The following PLEKHA2 variants were observed in gnomAD, a reference collection of about 807,000 sequenced individuals.
PLEKHA2 encodes the protein pleckstrin homology domain-containing family A member 2.
A neutral mutation model predicts 53.2 loss-of-function variants in PLEKHA2; 28 were observed. The observed-to-expected ratio is 0.53, with a 90% confidence interval of 0.39 to 0.72. The LOEUF (loss-of-function observed/expected upper bound fraction) is 0.72, where lower values mean the gene tolerates loss of function less well. PLEKHA2 is among the 30% of genes least tolerant of loss of function. PLEKHA2 has a pLI of 0.00. For missense variants in PLEKHA2, 426 were observed against 537.9 expected (o/e 0.79, Z 2.06); for synonymous variants, 193 against 196.4 (o/e 0.98, Z 0.14).
At chr8:38,949,425 G>A (rs1834784061) in intron 5 of PLEKHA2, among the ~76,000 whole-genome samples, 1 of 152,122 alleles carries the variant, frequency 6.6e-6, no homozygotes, top group African/African-American at 2.4e-5. Flanking sequence ...ATCTAAAAGG[G>A]AACTGCTGCA....
chr8:38,946,303 T>C, intron 5 of PLEKHA2, 82 bp downstream of exon 5: 1 of 1,238,484 alleles, frequency 8.1e-7, no homozygotes, highest in Non-Finnish European at 1.2e-6. Context: ...TGGGGAAAAC[T>C]GAGATGGCAG....
chr8:38,903,171 G>A (rs1833819144), intron 1 of PLEKHA2, among the ~76,000 whole-genome samples: 1 of 152,204 alleles, frequency 6.6e-6, no homozygotes, highest in Admixed American at 6.5e-5. Context: ...CTGGTACATG[G>A]GAGTTATTAG....
intron 5 of PLEKHA2, among the ~76,000 whole-genome samples, chr8:38,950,363 G>A (rs1474341817): frequency 2.6e-5 from 4 of 152,260 alleles, no homozygotes; most frequent in South Asian, 2.1e-4. Context: ...CCAGGTTGCC[G>A]TTTGAGTGTC....
intron 1 of PLEKHA2, among the ~76,000 whole-genome samples, chr8:38,909,184 C>T (rs1248460170): frequency 6.6e-6 from 1 of 151,640 alleles, no homozygotes; most frequent in Admixed American, 6.6e-5. Context: ...TTGTGTTGTT[C>T]AGGACATTAC....
intron 2 of PLEKHA2, among the ~76,000 whole-genome samples, chr8:38,918,567 ACACACATGCACACACATGCACACACATC>A (rs1483480562): frequency 9.3e-5 from 14 of 150,366 alleles, no homozygotes; most frequent in South Asian, 2.1e-4. Context: ...CACATTATAC[ACACACATGCACACACATGCACACACATC>A]CCATACACAC....
intron 2 of PLEKHA2, among the ~76,000 whole-genome samples, chr8:38,930,141 G>A (rs1176961072): frequency 1.3e-5 from 2 of 151,964 alleles, no homozygotes; most frequent in African/African-American, 2.4e-5. Flanking sequence ...AAGAGCTCTT[G>A]AGCAAAAAGG....
At chr8:38,966,117 G>C (rs997717533) in intron 10 of PLEKHA2, among the ~76,000 whole-genome samples, 1 of 152,092 alleles carries the variant, frequency 6.6e-6, no homozygotes, top group African/African-American at 2.4e-5. Flanking sequence ...TGTTCACTTT[G>C]GCCACTTGTC....
intron 2 of PLEKHA2, among the ~76,000 whole-genome samples, chr8:38,931,810 G>A (rs1318027639): frequency 2.0e-5 from 3 of 152,098 alleles, no homozygotes; most frequent in Admixed American, 6.5e-5. Flanking sequence ...AACATACTCC[G>A]AGAACAGAGT....
chr8:38,966,605 C>T (rs753955708), intron 10 of PLEKHA2, among the ~76,000 whole-genome samples: 1 of 152,158 alleles, frequency 6.6e-6, no homozygotes, highest in Non-Finnish European at 1.5e-5. Context: ...CCGGCAGTAG[C>T]GAGGCCGCTG....
At chr8:38,915,658 G>GGACATAATTCAC (rs916717479) in intron 1 of PLEKHA2, among the ~76,000 whole-genome samples, 1 of 152,174 alleles carries the variant, frequency 6.6e-6, no homozygotes, top group African/African-American at 2.4e-5. Flanking sequence ...AATTTTGAGA[G>GGACATAATTCAC]GACATAATTC....
At chr8:38,952,520 T>C in intron 7 of PLEKHA2, 116 bp from the exon 8 acceptor site, 1 of 1,352,408 alleles carries the variant, frequency 7.4e-7, no homozygotes, top group South Asian at 1.3e-5. Context: ...TTGCCCCTGC[T>C]GAATGTGGGA....
chr8:38,936,017 T>C lies in PLEKHA2; in HGVS notation c.165T>C (p.Ala55=), dbSNP rs750225219. 2 of 1,613,632 alleles carry C rather than the reference T, an allele frequency of 1.2e-6. No homozygotes were observed. Among genetic ancestry groups the C allele is most frequent in the East Asian group, 4.5e-5 (2 of 44,884 alleles). The change falls in exon 3 of 12, where the codon GCT becomes GCC. Residue 55 remains alanine, a synonymous_variant. Coordinates refer to ENST00000617275, the MANE Select transcript of PLEKHA2 (RefSeq NM_021623.2). The part of the protein sequence containing the change: ...NPQNLAMGAG[A]VGALQLTYIS... ...AGAATCTGGCAATGGGGGCAGGAGCTGTTGGAGCTTTGCAGCTGACCTACA... is the reference window on the plus strand; with the variant it reads ...AGAATCTGGCAATGGGGGCAGGAGCCGTTGGAGCTTTGCAGCTGACCTACA...
chr8:38,954,308 C>T (rs1263694976), intron 9 of PLEKHA2, among the ~76,000 whole-genome samples: 1 of 152,174 alleles, frequency 6.6e-6, no homozygotes, highest in Non-Finnish European at 1.5e-5. Context: ...GGGAGGTTCC[C>T]AGTGACTATT....
chr8:38,936,343 G>T (rs552110464), intron 3 of PLEKHA2, among the ~76,000 whole-genome samples: 69 of 152,194 alleles, frequency 4.5e-4, no homozygotes, highest in Non-Finnish European at 8.4e-4. Context: ...GTGGAGCTGG[G>T]GTAGGGGTAG....
intron 2 of PLEKHA2, among the ~76,000 whole-genome samples, chr8:38,920,711 C>T (rs1365359083): frequency 1.3e-5 from 2 of 152,026 alleles, no homozygotes; most frequent in Admixed American, 1.3e-4. Context: ...CAGGTGTGCG[C>T]CACCACACTG....
At chr8:38,919,472 A>G (rs1427228019) in intron 2 of PLEKHA2, among the ~76,000 whole-genome samples, 1 of 152,226 alleles carries the variant, frequency 6.6e-6, no homozygotes, top group Non-Finnish European at 1.5e-5. Context: ...CAGCAAGGTC[A>G]CAGGTCATGG....
intron 4 of PLEKHA2, among the ~76,000 whole-genome samples, chr8:38,944,897 T>A (rs1005387463): frequency 6.6e-6 from 1 of 152,206 alleles, no homozygotes; most frequent in African/African-American, 2.4e-5. Flanking sequence ...ATGTCCACTA[T>A]AAGTTTCTGT....
rs756800890 is a variant in PLEKHA2 at position 38,917,913 on chromosome 8, G to T, written c.-17G>T. On this transcript the variant is annotated 5_prime_UTR_variant, in exon 2 of 12. The change abolishes an upstream ATG in the 5' untranslated region. Coordinates refer to ENST00000617275, the MANE Select transcript of PLEKHA2 (RefSeq NM_021623.2). ...ACCTCCCTCCTGCGCGCAGGGTGAT[G>T]TGAGCAGAGCCCAGGAATGCCTTAT... 1 of 1,613,180 alleles carries T rather than the reference G, an allele frequency of 6.2e-7. No homozygotes were observed. Among genetic ancestry groups the T allele is most frequent in the South Asian group, 1.1e-5 (1 of 91,070 alleles).
At chr8:38,966,748 C>T (rs1392604103) in intron 10 of PLEKHA2, among the ~76,000 whole-genome samples, 1 of 152,058 alleles carries the variant, frequency 6.6e-6, no homozygotes, top group African/African-American at 2.4e-5. Context: ...TCCCACAACT[C>T]TTTAAATTTT....
Sources: gnomAD v4.1 joint callset for allele counts (sites outside exome capture counted in the v4.1 genomes callset) on GRCh38, gnomAD v4.1.1 for gene constraint, MANE v1.5 for transcripts, NCBI Gene and HGNC (gene_info 2026-07-23, HGNC 2026-07-21) for gene names.